SLC45A1: variants seen among roughly 807,000 people sequenced by gnomAD.
SLC45A1 encodes the protein solute carrier family 45 member 1.
Under a neutral mutation model 57.6 loss-of-function variants are expected in SLC45A1, and 28 were observed. That is an observed-to-expected ratio of 0.49 (90% CI 0.36 to 0.67). The LOEUF is 0.67. Among genes scored for constraint, SLC45A1 ranks in the 30% least tolerant of loss-of-function variants. SLC45A1 has a pLI of 0.00. For synonymous variants in SLC45A1, 459 were observed against 471.5 expected (o/e 0.97, Z 0.34); for missense variants, 814 against 1,041.5 (o/e 0.78, Z 3.01).
In SLC45A1 at chr1:8,339,659, G is replaced by A; in HGVS notation, c.1941G>A (p.Leu647=). The change falls in exon 8 of 9, where the codon TTG becomes TTA. Residue 647 remains leucine (L), a synonymous_variant. Transcript: ENST00000471889. ...YGILFSTLCT[L]PYSLLCDYYQ... ...TTTTATTTTCCACCCTGTGCACCTT[G>A]CCTTACTCGCTGCTCTGCGATTACT... The A allele has an allele frequency of 6.2e-7, 1 of 1,614,228 alleles. No individual in the cohort carries two copies.
chr1:8,344,136 GATAAA>G lies in SLC45A1; in HGVS notation c.*128_*132del. On this transcript the variant is annotated 3_prime_UTR_variant, in exon 9 of 9. Coordinates refer to ENST00000471889, the MANE Select transcript of SLC45A1 (RefSeq NM_001080397.3). ...GCTGCCTACTGGAATGTAAATATGT[GATAAA>G]ATAATAAATGACAGCGGCAAAGCCT... 2 of 923,054 alleles carry G rather than the reference GATAAA, an allele frequency of 2.2e-6. No homozygotes were observed. The highest frequency in any genetic ancestry group is 3.1e-6 in the Non-Finnish European group (2 of 637,796). The allele number at this position is 923,054 out of a possible 1,614,324, so 57.2% of individuals were successfully genotyped here.
At chr1:8,333,041 C>T (rs756369912) in intron 5 of SLC45A1, among the ~76,000 whole-genome samples, 3 of 152,070 alleles carry the variant, frequency 2.0e-5, no homozygotes, top group African/African-American at 7.2e-5. Context: ...CGGCCGCAGA[C>T]GCACGTGGGC....
chr1:8,319,840 C>T lies in SLC45A1; in HGVS notation c.-25+1654C>T, dbSNP rs141610724. 6.4e-3 allele frequency among the ~76,000 whole-genome samples: 981 copies of T among 152,188 alleles called. 6 individuals carry two copies. The highest frequency in any genetic ancestry group is 0.022 in the African/African-American group (928 of 41,512). On this transcript the variant is annotated intron_variant, in intron 1 of 8. Transcript: ENST00000471889. ...CAAGCGATTCTCCTGCCTCAGCCTC[C>T]GGAGTAGCTGGGATTACAGGCACTC...
At chr1:8,340,444 G>A (rs1187083995) in intron 8 of SLC45A1, among the ~76,000 whole-genome samples, 1 of 152,174 alleles carries the variant, frequency 6.6e-6, no homozygotes, top group Non-Finnish European at 1.5e-5. Flanking sequence ...TTACAGGCGT[G>A]AGCCACCGCA....
chr1:8,321,939 ATACGTGGATGGGTGGGCAAGTGGATGGG>A (rs1640020494), intron 1 of SLC45A1, among the ~76,000 whole-genome samples: 2 of 109,230 alleles, frequency 1.8e-5, no homozygotes, highest in African/African-American at 3.5e-5. Flanking sequence ...GGGTGGATGG[ATACGTGGATGGGTGGGCAAGTGGATGGG>A]TGGATGAGTG....
intron 6 of SLC45A1, among the ~76,000 whole-genome samples, chr1:8,337,370 G>A (rs1338179444): frequency 6.6e-6 from 1 of 152,190 alleles, no homozygotes; most frequent in Non-Finnish European, 1.5e-5. Context: ...GATGAGATTT[G>A]GGTGGGGACA....
At chr1:8,332,511 ATT>A (rs746223378) in intron 5 of SLC45A1, among the ~76,000 whole-genome samples, 31 of 137,944 alleles carry the variant, frequency 2.2e-4, no homozygotes, top group Admixed American at 2.9e-4. Context: ...TCACGGGCTG[ATT>A]TTTTTTTTTT....
Position 8,340,281 on chromosome 1 carries a change from G to A in SLC45A1, c.1980+583G>A, listed in dbSNP as rs568467330. Among the ~76,000 whole-genome samples the A allele has an allele frequency of 3.3e-5, 5 of 151,542 alleles. No individual in the cohort carries two copies. The South Asian group carries it at 1.0e-3, about 32-fold the overall frequency. Reference sequence around the variant, plus strand: ...GGGTTCAAGTGGTCCTCCTGCCTCAGCCTCCCGAGTAACTGGGACTACAGG... The same window carrying A: ...GGGTTCAAGTGGTCCTCCTGCCTCAACCTCCCGAGTAACTGGGACTACAGG... On this transcript the variant is annotated intron_variant, in intron 8 of 8. Coordinates refer to ENST00000471889, the MANE Select transcript of SLC45A1 (RefSeq NM_001080397.3).
intron 1 of SLC45A1, among the ~76,000 whole-genome samples, chr1:8,322,697 A>AT (rs1640071452): frequency 6.6e-6 from 1 of 152,212 alleles, no homozygotes; most frequent in Admixed American, 6.5e-5. Context: ...CTTAAAACTA[A>AT]TTTTGAGAGA....
rs754016199 is a variant in SLC45A1 at position 8,324,665 on chromosome 1, C to T, written c.336C>T (p.Leu112=). The change falls in exon 2 of 9, where the codon CTC becomes CTT. Residue 112 remains leucine, a synonymous_variant. Coordinates refer to ENST00000471889, the MANE Select transcript of SLC45A1 (RefSeq NM_001080397.3). The stretch of plus-strand genomic sequence containing the variant: ...AGACGGCGTACGTGACCCCGGTGCT[C>T]CTGCAGATGGGCCTGCCCGACCAGC... The part of the protein sequence containing the change: ...AMETAYVTPV[L]LQMGLPDQLY... 6.3e-7 allele frequency: 1 copy of T among 1,598,082 alleles called. No individual in the cohort carries two copies. Among genetic ancestry groups the T allele is most frequent in the African/African-American group, 1.3e-5 (1 of 74,638 alleles).
rs757115614 is a variant in SLC45A1 at position 8,337,992 on chromosome 1, G to C, written c.1774G>C (p.Ala592Pro). Residue 592 changes from alanine to proline, a missense_variant and splice_region_variant, in exon 7 of 9, where the codon GCT becomes CCT. Physicochemically the swap from Ala to Pro is conservative, Grantham distance 27 (BLOSUM62 -1). Coordinates refer to ENST00000471889, the MANE Select transcript of SLC45A1 (RefSeq NM_001080397.3). ...CGCCTTCAGTGCTGCCTTCTACTCA[G>C]GTACCCGCTGCCAGCCAGGCTGGCA... ...IYAFSAAFYS[A>P]ILEKLEEFLS... is the part of the protein sequence containing the mutation. The C allele has an allele frequency of 1.2e-5, 19 of 1,612,712 alleles. No homozygotes were observed. Among genetic ancestry groups the C allele is most frequent in the Non-Finnish European group, 1.4e-5 (17 of 1,179,500 alleles).
intron 7 of SLC45A1, among the ~76,000 whole-genome samples, chr1:8,338,458 G>A (rs1319922958): frequency 2.6e-5 from 4 of 152,274 alleles, no homozygotes; most frequent in African/African-American, 4.8e-5. Flanking sequence ...TCTGTCTGGG[G>A]TACCCTTGGA....
chr1:8,319,526 T>C (rs945567745), intron 1 of SLC45A1, among the ~76,000 whole-genome samples: 1 of 152,220 alleles, frequency 6.6e-6, no homozygotes, highest in Non-Finnish European at 1.5e-5. Context: ...GGAAGCACAG[T>C]GGACCCCTTG....
At chr1:8,339,825 G>C (rs1383011374) in intron 8 of SLC45A1, 127 bp downstream of exon 8, 2 of 904,706 alleles carry the variant, frequency 2.2e-6, no homozygotes, top group African/African-American at 3.3e-5. Flanking sequence ...CGACCACAGA[G>C]CATGAAACCA....
In SLC45A1 at chr1:8,335,079, A is replaced by G. The variant is rs574596766; in HGVS notation, c.1444-358A>G. Among the ~76,000 whole-genome samples the G allele has an allele frequency of 5.9e-5, 9 of 152,318 alleles. No individual in the cohort carries two copies. The South Asian group carries it at 1.4e-3, about 25-fold the overall frequency. ...TTCCCAGTCTTCTTTTACAAAAAAG[A>G]AAGGACTTCCTAGGCGTGTGGATCT... On this transcript the variant is annotated intron_variant, in intron 5 of 8. Coordinates refer to ENST00000471889, the MANE Select transcript of SLC45A1 (RefSeq NM_001080397.3). This position sits in a 1 kb window ranked among gnomAD's most constrained non-coding sequence, Gnocchi z 4.1.
chr1:8,328,404 G>A lies in SLC45A1; in HGVS notation c.716-1805G>A, dbSNP rs1194896580. The stretch of plus-strand genomic sequence containing the variant: ...CTTCTCTTCCTCTTTCCACACGTGC[G>A]CTGCTGTGGGCGAGGGAACTTCTAA... On this transcript the variant is annotated intron_variant, in intron 4 of 8. Transcript: ENST00000471889. The surrounding 1 kb of genome is among the most constrained non-coding windows in gnomAD (Gnocchi z 4.6). Among the ~76,000 whole-genome samples the A allele has an allele frequency of 2.6e-5, 4 of 152,170 alleles. No individual in the cohort carries two copies. The highest frequency in any genetic ancestry group is 1.3e-4 in the Admixed American group (2 of 15,274).
intron 6 of SLC45A1, 89 bp from the exon 7 acceptor site, chr1:8,337,726 CT>C: frequency 7.8e-7 from 1 of 1,284,312 alleles, no homozygotes; most frequent in Non-Finnish European, 1.1e-6. Flanking sequence ...CTGCTCATTA[CT>C]TTTATAACCA....
At position 8,343,083 on chromosome 1, in the gene SLC45A1, A is replaced by T. The variant is rs1194350377; in HGVS notation, c.1981-664A>T. On this transcript the variant is annotated intron_variant, in intron 8 of 8. Transcript: ENST00000471889. This position sits in a 1 kb window ranked among gnomAD's most constrained non-coding sequence, Gnocchi z 7.7. ...GCTGGCCCTGAGCACAGCCCTTCTGATGGGGGGAAGCCGCAGGGGAGGCCC... is the reference window on the plus strand; with the variant it reads ...GCTGGCCCTGAGCACAGCCCTTCTGTTGGGGGGAAGCCGCAGGGGAGGCCC... Among the ~76,000 whole-genome samples the T allele has an allele frequency of 6.6e-6, 1 of 152,000 alleles. No homozygotes were observed. Among genetic ancestry groups the T allele is most frequent in the East Asian group, 1.9e-4 (1 of 5,180 alleles).
At chr1:8,323,600 T>C (rs1016403837) in intron 1 of SLC45A1, among the ~76,000 whole-genome samples, 37 of 129,048 alleles carry the variant, frequency 2.9e-4, no homozygotes, top group Non-Finnish European at 4.8e-4. Flanking sequence ...GACTACGGGA[T>C]TCCAGAGTTC....
Sources: allele counts gnomAD v4.1 joint callset (sites outside exome capture counted in the v4.1 genomes callset), GRCh38; gene constraint gnomAD v4.1.1; non-coding constraint Gnocchi (gnomAD v3.1); transcripts MANE v1.5; gene names NCBI Gene and HGNC (gene_info 2026-07-23, HGNC 2026-07-21).